Variants in OPCML observed in about 807,000 individuals in gnomAD.
OPCML encodes opioid binding protein/cell adhesion molecule like.
OPCML carries 13 observed loss-of-function variants against 37.8 expected under a neutral mutation model. The ratio of observed to expected loss-of-function variants is 0.34; its 90% CI spans 0.22 to 0.55. The LOEUF is 0.55. Ranked by LOEUF, OPCML falls within the 20% of genes least tolerant of loss-of-function variation. The pLI is 0.91. For synonymous variants in OPCML, 176 were observed against 168.8 expected, an observed-to-expected ratio of 1.04 and a Z score of -0.33; for missense variants, 341 against 435.6, an observed-to-expected ratio of 0.78 and a Z score of 1.93.
At chr11:133,457,090 G>C (rs1190763671) in intron 1 of OPCML, among the ~76,000 whole-genome samples, 1 of 152,200 alleles carries the variant, frequency 6.6e-6, no homozygotes, top group Admixed American at 6.5e-5. Flanking sequence ...CACAGACAAA[G>C]AGAATCTTGA....
At chr11:133,312,257 C>T (rs1013905579) in intron 1 of OPCML, among the ~76,000 whole-genome samples, 15 of 152,164 alleles carry the variant, frequency 9.9e-5, no homozygotes, top group Admixed American at 3.3e-4. Context: ...CTCTAATCAA[C>T]CAAAAGAAAC....
At chr11:133,152,576 C>CA (rs529666130) in intron 1 of OPCML, among the ~76,000 whole-genome samples, 19 of 152,044 alleles carry the variant, frequency 1.2e-4, no homozygotes, top group South Asian at 6.2e-4. Flanking sequence ...CTGATCCCCC[C>CA]CCAACCTCCA....
intron 1 of OPCML, among the ~76,000 whole-genome samples, chr11:133,058,708 C>T (rs531364852): frequency 3.3e-5 from 5 of 152,312 alleles, no homozygotes; most frequent in East Asian, 3.9e-4. Context: ...CTGTGCTTCT[C>T]GGCACCTCCC....
At chr11:133,171,756 A>T (rs1950291485) in intron 1 of OPCML, among the ~76,000 whole-genome samples, 1 of 152,182 alleles carries the variant, frequency 6.6e-6, no homozygotes, top group Non-Finnish European at 1.5e-5. Flanking sequence ...TTAACACTGC[A>T]ATTCTTGAAA....
intron 1 of OPCML, among the ~76,000 whole-genome samples, chr11:133,462,739 T>A (rs1946885493): frequency 6.6e-6 from 1 of 152,154 alleles, no homozygotes; most frequent in Non-Finnish European, 1.5e-5. Context: ...GGTAAAAATG[T>A]ACAATGGTGC....
intron 4 of OPCML, among the ~76,000 whole-genome samples, chr11:132,518,995 A>G (rs567074326): frequency 6.6e-6 from 1 of 152,256 alleles, no homozygotes; most frequent in African/African-American, 2.4e-5. Context: ...ATCCATTCTC[A>G]TATTTATTCT....
At chr11:133,322,505 G>A (rs1943356534) in intron 1 of OPCML, among the ~76,000 whole-genome samples, 1 of 151,974 alleles carries the variant, frequency 6.6e-6, no homozygotes, top group South Asian at 2.1e-4. Flanking sequence ...GACTGGGGTG[G>A]GCCCCAGCCA....
chr11:132,919,051 G>A (rs1439903419), intron 2 of OPCML, among the ~76,000 whole-genome samples: 1 of 152,200 alleles, frequency 6.6e-6, no homozygotes, highest in Non-Finnish European at 1.5e-5. Flanking sequence ...ACTGGCAACT[G>A]AGAAGACCAT....
At chr11:132,809,785 G>T (rs867237854) in intron 2 of OPCML, among the ~76,000 whole-genome samples, 1 of 151,990 alleles carries the variant, frequency 6.6e-6, no homozygotes, top group South Asian at 2.1e-4. Context: ...TGGCCAAGAC[G>T]CCACCTCTTA....
chr11:133,072,506 G>A (rs1203480873), intron 1 of OPCML, among the ~76,000 whole-genome samples: 1 of 152,120 alleles, frequency 6.6e-6, no homozygotes, highest in East Asian at 1.9e-4. Flanking sequence ...CATACATGTG[G>A]GATAACACCC....
chr11:133,387,696 G>A (rs926280649), intron 1 of OPCML, among the ~76,000 whole-genome samples: 4 of 152,228 alleles, frequency 2.6e-5, no homozygotes, highest in African/African-American at 9.6e-5. Flanking sequence ...AATGCAGGAT[G>A]AATAAAACAG....
At chr11:132,842,683 A>G (rs1162214608) in intron 2 of OPCML, among the ~76,000 whole-genome samples, 1 of 152,166 alleles carries the variant, frequency 6.6e-6, no homozygotes, top group Non-Finnish European at 1.5e-5. Flanking sequence ...GATTTCTCTC[A>G]CCATACCCAT....
At chr11:132,656,467 C>T (rs1283989754) in intron 3 of OPCML, among the ~76,000 whole-genome samples, 1 of 152,140 alleles carries the variant, frequency 6.6e-6, no homozygotes, top group Non-Finnish European at 1.5e-5. Flanking sequence ...CTAAGTCTTC[C>T]TTCCTCCTTC....
intron 3 of OPCML, among the ~76,000 whole-genome samples, chr11:132,575,118 T>C (rs759145233): frequency 2.3e-4 from 35 of 152,140 alleles, no homozygotes; most frequent in Non-Finnish European, 4.1e-4. Context: ...TTTTCTCCAT[T>C]CATTAATTTT....
At chr11:132,747,550 C>T (rs768367729) in intron 2 of OPCML, among the ~76,000 whole-genome samples, 4 of 152,144 alleles carry the variant, frequency 2.6e-5, no homozygotes, top group Non-Finnish European at 5.9e-5. Context: ...TACCAGCCAA[C>T]CTTGCAACCA....
Position 133,363,451 on chromosome 11 carries a change from C to A in OPCML, c.61+168813G>T, listed in dbSNP as rs532609931. ...TCTCCTTATGTGAGAAAATGGGATC[C>A]CCCCAGCAAAAGGCACACGGATTAT... is the stretch of plus-strand genomic sequence containing the variant. On this transcript the variant is annotated intron_variant, in intron 1 of 7. Transcript: ENST00000524381. 2.4e-4 allele frequency among the ~76,000 whole-genome samples: 37 copies of A among 152,270 alleles called. 1 individual carries two copies. In the South Asian group the frequency reaches 7.5e-3, roughly 31 times the overall value.
intron 1 of OPCML, among the ~76,000 whole-genome samples, chr11:133,040,751 T>C (rs1049463529): frequency 1.4e-4 from 22 of 151,930 alleles, no homozygotes; most frequent in Non-Finnish European, 2.8e-4. Context: ...TGACTGCGTC[T>C]CTCTGTGGGA....
intron 1 of OPCML, among the ~76,000 whole-genome samples, chr11:133,251,534 A>G (rs1337690232): frequency 1.3e-5 from 2 of 151,050 alleles, no homozygotes; most frequent in African/African-American, 4.9e-5. Flanking sequence ...TCAAGTGTGT[A>G]CAAGAACCAG....
chr11:133,209,623 G>A (rs772747491), intron 1 of OPCML, among the ~76,000 whole-genome samples: 5 of 152,164 alleles, frequency 3.3e-5, no homozygotes, highest in South Asian at 4.1e-4. Flanking sequence ...ATAGAGGAAC[G>A]TTGCTTACTC....
Sources: gnomAD v4.1 joint callset for allele counts (sites outside exome capture counted in the v4.1 genomes callset) on GRCh38, gnomAD v4.1.1 for gene constraint, MANE v1.5 for transcripts, NCBI Gene and HGNC (gene_info 2026-07-23, HGNC 2026-07-21) for gene names.